The following ACOT8 variants were observed in gnomAD, a reference collection of about 807,000 sequenced individuals.
The protein encoded by ACOT8 is acyl-coenzyme A thioesterase 8.
A neutral mutation model predicts 38.4 loss-of-function variants in ACOT8; 31 were observed. The ratio of observed to expected loss-of-function variants is 0.81; its 90% CI spans 0.61 to 1.09. The LOEUF is 1.09. ACOT8 is among the 50% of genes least tolerant of loss of function. The pLI, the probability that ACOT8 is intolerant of heterozygous loss-of-function variation, is 0.00. For missense variants in ACOT8, 373 were observed against 421.8 expected, an observed-to-expected ratio of 0.88 and a Z score of 1.01; for synonymous variants, 158 against 170.3, an observed-to-expected ratio of 0.93 and a Z score of 0.56.
At position 45,843,577 on chromosome 20, in the gene ACOT8, G is replaced by A; in HGVS notation, c.791C>T (p.Pro264Leu). The change falls in exon 5 of 6, where the codon CCC (proline) becomes CTC (leucine). Residue 264 changes from proline to leucine, a missense_variant. By Grantham distance (98) the Pro-to-Leu change is moderately conservative. Coordinates refer to ENST00000217455, the MANE Select transcript of ACOT8 (RefSeq NM_005469.4). ...GAGCATCCAGTGGTCAGCTCGGAAGGGGGCGTGGAACCACATGGAATGGTC... is the reference window on the plus strand; with the variant it reads ...GAGCATCCAGTGGTCAGCTCGGAAGAGGGCGTGGAACCACATGGAATGGTC... The part of the protein sequence containing the change: ...SLDHSMWFHA[P>L]FRADHWMLYE... The A allele has an allele frequency of 6.2e-7, 1 of 1,612,674 alleles. No homozygotes were observed. The highest frequency in any genetic ancestry group is 1.1e-5 in the South Asian group (1 of 91,056).
chr20:45,856,862 T>C (rs769771590), intron 1 of ACOT8, among the ~76,000 whole-genome samples: 2 of 152,232 alleles, frequency 1.3e-5, no homozygotes, highest in African/African-American at 4.8e-5. Flanking sequence ...GTTTTAAGGC[T>C]GATCCATCAG....
At chr20:45,855,041 C>G in intron 2 of ACOT8, 118 bp downstream of exon 2, 3 of 1,426,894 alleles carry the variant, frequency 2.1e-6, no homozygotes, top group Non-Finnish European at 2.9e-6. Flanking sequence ...TGGTAGTGTC[C>G]GCCACCCCTC....
chr20:45,843,037 T>C, intron 5 of ACOT8: 1 of 1,133,320 alleles, frequency 8.8e-7, no homozygotes, highest in Non-Finnish European at 1.1e-6. Context: ...ATCAGGTTAA[T>C]CAGAATCACT....
In ACOT8 at chr20:45,848,649, G is replaced by C; in HGVS notation, c.289C>G (p.Gln97Glu). 1 of 1,612,644 alleles carries C rather than the reference G, an allele frequency of 6.2e-7. No homozygotes were observed. Among genetic ancestry groups the C allele is most frequent in the East Asian group, 2.2e-5 (1 of 44,850 alleles). Residue 97 changes from glutamine to glutamate, a missense_variant, in exon 3 of 6, where the codon CAA becomes GAA. By Grantham distance (29) the Gln-to-Glu change is conservative (BLOSUM62 2). Transcript: ENST00000217455. ...GACCCTGTTCGTGTCCGCTCCACTT[G>C]GTACAGTACTGGCAGCTTCGGGTCC... is the stretch of plus-strand genomic sequence containing the variant. ...AGDPKLPVLY[Q>E]VERTRTGSSF...
At chr20:45,843,403 G>A (rs780820973) in intron 5 of ACOT8, 124 bp downstream of exon 5, 2 of 1,272,584 alleles carry the variant, frequency 1.6e-6, no homozygotes, top group Non-Finnish European at 2.2e-6. Context: ...CAAAGCCTGG[G>A]AGGGAAGGAA....
chr20:45,849,963 C>T (rs1020182406), intron 2 of ACOT8, among the ~76,000 whole-genome samples: 2 of 152,104 alleles, frequency 1.3e-5, no homozygotes, highest in Non-Finnish European at 2.9e-5. Flanking sequence ...AATCCCAACA[C>T]TTTGGGAGGC....
At chr20:45,845,861 C>T (rs1984653378) in intron 3 of ACOT8, among the ~76,000 whole-genome samples, 1 of 146,774 alleles carries the variant, frequency 6.8e-6, no homozygotes, top group Non-Finnish European at 1.5e-5. Context: ...AAGACGGAAT[C>T]TCGCTCTGTT....
chr20:45,853,839 G>T, intron 2 of ACOT8: 2 of 1,052,990 alleles, frequency 1.9e-6, no homozygotes, highest in Non-Finnish European at 2.6e-6. Flanking sequence ...GTATGAAAAA[G>T]TGTATTTACC....
rs199729849 is a variant in ACOT8, at chr20:45,844,275, G to A, written c.634C>T (p.Arg212Trp). ...GGGGTACTCTTACCAATATAGCCCC[G>A]GGCTCGCACCCAGAACATCTGTTTG... ...EPKQMFWVRA[R>W]GYIGEGDMKM... The change falls in exon 4 of 6, where the codon CGG becomes TGG. Residue 212 changes from arginine to tryptophan, a missense_variant. Coordinates refer to ENST00000217455, the MANE Select transcript of ACOT8 (RefSeq NM_005469.4). 1.2e-4 allele frequency: 191 copies of A among 1,614,008 alleles called. No homozygotes were observed. The highest frequency in any genetic ancestry group is 1.6e-4 in the Non-Finnish European group (183 of 1,180,022).
intron 4 of ACOT8, 161 bp downstream of exon 4, chr20:45,844,102 A>AT: frequency 9.6e-7 from 1 of 1,044,628 alleles, no homozygotes; most frequent in East Asian, 2.6e-5. Flanking sequence ...CTCCCCATGC[A>AT]AAGGGCTGAG....
chr20:45,852,092 C>G (rs1985100632), intron 2 of ACOT8, among the ~76,000 whole-genome samples: 1 of 152,092 alleles, frequency 6.6e-6, no homozygotes, highest in East Asian at 1.9e-4. Flanking sequence ...CGGGTTCAAG[C>G]AATTCTCCTT....
intron 5 of ACOT8, chr20:45,842,163 G>A: frequency 6.6e-7 from 1 of 1,520,082 alleles, no homozygotes; most frequent in Non-Finnish European, 8.8e-7. Flanking sequence ...TCTTGCAAAG[G>A]GTCTGGCCCA....
intron 2 of ACOT8, chr20:45,853,899 G>T: frequency 7.7e-7 from 1 of 1,298,286 alleles, no homozygotes; most frequent in Non-Finnish European, 1.0e-6. Flanking sequence ...AAACCCCATG[G>T]TTTTCTTAAT....
rs1386946616 is a variant in ACOT8, at chr20:45,846,040, AT to A, written c.489-1621del. Among the ~76,000 whole-genome samples, 19 of 151,980 alleles carry A rather than the reference AT, an allele frequency of 1.3e-4. 1 individual carries two copies. Among genetic ancestry groups the A allele is most frequent in the Admixed American group, 4.6e-4 (7 of 15,248 alleles). ...TTTTTAATAGAGATGAGGTTTCACC[AT>A]GTTGGCCAGGCTGGTCTCAAACTCC... On this transcript the variant is annotated intron_variant, in intron 3 of 5. Coordinates refer to ENST00000217455, the MANE Select transcript of ACOT8 (RefSeq NM_005469.4).
At chr20:45,849,704 G>A (rs1251586981) in intron 2 of ACOT8, among the ~76,000 whole-genome samples, 2 of 152,064 alleles carry the variant, frequency 1.3e-5, no homozygotes, top group East Asian at 3.9e-4. Context: ...ACCCACCTTG[G>A]CCTCCCAAAG....
At chr20:45,854,232 C>G (rs1390451036) in intron 2 of ACOT8, among the ~76,000 whole-genome samples, 2 of 151,862 alleles carry the variant, frequency 1.3e-5, no homozygotes, top group Non-Finnish European at 2.9e-5. Context: ...CGCTCTGTTG[C>G]CCAGGCTGGA....
intron 4 of ACOT8, 79 bp downstream of exon 4, chr20:45,844,184 C>T (rs569546012): frequency 1.3e-6 from 2 of 1,577,464 alleles, no homozygotes; most frequent in Non-Finnish European, 1.7e-6. Context: ...GAAGGGAACT[C>T]ATGTGCCCAA....
chr20:45,855,119 G>A, intron 2 of ACOT8, 40 bp downstream of exon 2: 1 of 1,607,698 alleles, frequency 6.2e-7, no homozygotes, highest in South Asian at 1.1e-5. Context: ...TGGCTGCTGG[G>A]CCACCAGGGT....
rs1008489907 is a variant in ACOT8, at chr20:45,855,261, G to C, written c.160C>G (p.Leu54Val). Residue 54 changes from leucine to valine, a missense_variant, in exon 2 of 6, where the codon CTG becomes GTG. Physicochemically the swap from Leu to Val is conservative, Grantham distance 32. Coordinates refer to ENST00000217455, the MANE Select transcript of ACOT8 (RefSeq NM_005469.4). ...TGGCCCACGATCTGACCACCAAACA[G>C]CCTCTTGGCCGGTACCCAGTAATGC... ...GRHYWVPAKRLFGGQIVGQAL... is the reference protein window; with the variant it reads ...GRHYWVPAKRVFGGQIVGQAL... The C allele has an allele frequency of 3.1e-6, 5 of 1,614,050 alleles. No homozygotes were observed. The African/African-American group carries it at 5.3e-5, about 17-fold the overall frequency.
Sources: allele counts gnomAD v4.1 joint callset (sites outside exome capture counted in the v4.1 genomes callset), GRCh38; gene constraint gnomAD v4.1.1; transcripts MANE v1.5; gene names NCBI Gene and HGNC (gene_info 2026-07-23, HGNC 2026-07-21).